TRMT10B: variants seen among roughly 807,000 people sequenced by gnomAD.
TRMT10B encodes tRNA methyltransferase 10B, also known as tRNA methyltransferase 10 homolog B.
TRMT10B carries 33 observed loss-of-function variants against 43.8 expected under a neutral mutation model. The ratio of observed to expected loss-of-function variants is 0.75; its 90% CI spans 0.57 to 1.01. The LOEUF is 1.01. Among genes scored for constraint, TRMT10B ranks in the 50% least tolerant of loss-of-function variants. The pLI is 0.00. For missense variants in TRMT10B, 362 were observed against 369.8 expected, an observed-to-expected ratio of 0.98 and a Z score of 0.17; for synonymous variants, 137 against 130.6, an observed-to-expected ratio of 1.05 and a Z score of -0.34.
At chr9:37,762,198 T>C in intron 2 of TRMT10B, 81 bp downstream of exon 2, 1 of 1,402,146 alleles carries the variant, frequency 7.1e-7, no homozygotes, top group Non-Finnish European at 9.6e-7. Flanking sequence ...TGGATACTGG[T>C]AGTGAAAAGA....
At chr9:37,777,193 TCAAAAAAAAAAAAAAAAAA>T (rs1564007736) in intron 8 of TRMT10B, among the ~76,000 whole-genome samples, 1 of 14,284 alleles carries the variant, frequency 7.0e-5, no homozygotes, top group African/African-American at 4.3e-4. Context: ...CAACTCCGCC[TCAAAAAAAAAAAAAAAAAA>T]AAAAAAAAAA....
At chr9:37,753,679 GC>G (rs1825218297), upstream of TRMT10B, 1 of 152,348 alleles carries the variant, frequency 6.6e-6, no homozygotes, top group African/African-American at 2.4e-5. Flanking sequence ...TACCGCCAGG[GC>G]TGGGAGTAGA....
chr9:37,772,442 G>A lies in TRMT10B; in HGVS notation c.720+1703G>A, dbSNP rs114270821. 2.7e-3 allele frequency among the ~76,000 whole-genome samples: 402 copies of A among 151,596 alleles called. 3 individuals carry two copies. The highest frequency in any genetic ancestry group is 9.2e-3 in the African/African-American group (379 of 41,304). ...GCTGGGATTACGGGTGTGAGCCACC[G>A]TGCCCAGCCTCGTGTTTAAAATTTT... On this transcript the variant is annotated intron_variant, in intron 7 of 8. Coordinates refer to ENST00000297994, the MANE Select transcript of TRMT10B (RefSeq NM_144964.4).
At chr9:37,755,741 CTG>C (rs1199878837) in intron 1 of TRMT10B, among the ~76,000 whole-genome samples, 1 of 152,060 alleles carries the variant, frequency 6.6e-6, no homozygotes, top group Non-Finnish European at 1.5e-5. Context: ...TTCTCAGGGA[CTG>C]TAGAGATTTG....
In TRMT10B at chr9:37,768,329, T is replaced by C. The variant is rs561525528; in HGVS notation, c.573+101T>C. Reference sequence around the variant, plus strand: ...TTTCATATATGTTACATTTTCAGTATTGAAGTCTAAAAAAATTCAGAACCT... The same window carrying C: ...TTTCATATATGTTACATTTTCAGTACTGAAGTCTAAAAAAATTCAGAACCT... On this transcript the variant is annotated intron_variant, in intron 5 of 8. Coordinates refer to ENST00000297994, the MANE Select transcript of TRMT10B (RefSeq NM_144964.4). The C allele has an allele frequency of 8.2e-6, 11 of 1,337,442 alleles. No individual in the cohort carries two copies. In the East Asian group the frequency reaches 2.4e-4, roughly 29 times the overall value. 82.8% of individuals were successfully genotyped at this position (1,337,442 alleles called of 1,614,324 possible). A position where few individuals can be genotyped will look rare whatever the true frequency, so the allele number is the denominator to read the frequency against.
intron 3 of TRMT10B, 92 bp from the exon 4 acceptor site, chr9:37,763,537 A>T: frequency 1.8e-6 from 2 of 1,104,606 alleles, no homozygotes; most frequent in Non-Finnish European, 2.6e-6. Flanking sequence ...GTTTCTCTTT[A>T]TATGCAAAAT....
chr9:37,776,317 C>T lies in TRMT10B; in HGVS notation c.756C>T (p.Val252=). The part of the protein sequence containing the change: ...VTFQKAREYS[V]KTARLPIQEY... ...TTCAAAAGGCCCGGGAATACTCTGT[C>T]AAGACCGCACGCTTGCCAATCCAGG... The change falls in exon 8 of 9, where the codon GTC becomes GTT. Residue 252 remains valine, a synonymous_variant. Coordinates refer to ENST00000297994, the MANE Select transcript of TRMT10B (RefSeq NM_144964.4). 1 of 1,608,100 alleles carries T rather than the reference C, an allele frequency of 6.2e-7. No homozygotes were observed. The highest frequency in any genetic ancestry group is 8.5e-7 in the Non-Finnish European group (1 of 1,177,258).
intron 1 of TRMT10B, among the ~76,000 whole-genome samples, chr9:37,758,282 T>C (rs1467744911): frequency 6.6e-6 from 1 of 152,070 alleles, no homozygotes; most frequent in Non-Finnish European, 1.5e-5. Flanking sequence ...CATGGTGGTG[T>C]GCACCTGTAG....
chr9:37,765,147 G>A (rs563404537), intron 4 of TRMT10B, among the ~76,000 whole-genome samples: 2 of 152,114 alleles, frequency 1.3e-5, no homozygotes, highest in East Asian at 1.9e-4. Context: ...TGTGCACAAC[G>A]TGCAGGTTTG....
intron 4 of TRMT10B, among the ~76,000 whole-genome samples, chr9:37,766,454 C>T: frequency 6.6e-6 from 1 of 152,162 alleles, no homozygotes; most frequent in Admixed American, 6.5e-5. Flanking sequence ...GTTTTGGTAC[C>T]AGTACCATGC....
chr9:37,759,325 A>T (rs1323772481), intron 1 of TRMT10B, among the ~76,000 whole-genome samples: 1 of 152,224 alleles, frequency 6.6e-6, no homozygotes, highest in Non-Finnish European at 1.5e-5. Flanking sequence ...TACATGCAGC[A>T]ACATGTATAA....
intron 4 of TRMT10B, 173 bp downstream of exon 4, chr9:37,763,926 C>G (rs1826696984): frequency 7.5e-7 from 1 of 1,337,394 alleles, no homozygotes; most frequent in South Asian, 1.4e-5. Flanking sequence ...TGTAACGAAC[C>G]TGGAAGAGAA....
chr9:37,762,466 C>T (rs2118772271), intron 2 of TRMT10B, 111 bp from the exon 3 acceptor site: 2 of 1,423,178 alleles, frequency 1.4e-6, no homozygotes, highest in Non-Finnish European at 1.9e-6. Flanking sequence ...TTTCCTCTTT[C>T]TCTCCAAACT....
chr9:37,752,960 T>C (rs1825081621), upstream of TRMT10B, among the ~76,000 whole-genome samples: 2 of 152,078 alleles, frequency 1.3e-5, no homozygotes, highest in South Asian at 4.2e-4. Flanking sequence ...TAATAAATCT[T>C]GTTGCTTGCT....
At chr9:37,762,710 A>T (rs764437989) in intron 3 of TRMT10B, 25 bp downstream of exon 3, 9 of 1,541,634 alleles carry the variant, frequency 5.8e-6, no homozygotes, top group Non-Finnish European at 7.9e-6. Context: ...GACTGTTGGT[A>T]TAATAATATT....
rs725687 is a variant in TRMT10B at position 37,755,887 on chromosome 9, G to A, written c.-30+2035G>A. Among the ~76,000 whole-genome samples, 405 of 147,540 alleles carry A rather than the reference G, an allele frequency of 2.7e-3. 3 individuals carry two copies. Among genetic ancestry groups the A allele is most frequent in the African/African-American group, 9.4e-3 (382 of 40,600 alleles). ...TATACTGTGAACTCTTAAGTGTTTA[G>A]GTAAATGTAGGTATAAGCCCTCCTA... On this transcript the variant is annotated intron_variant, in intron 1 of 8. Coordinates refer to ENST00000297994, the MANE Select transcript of TRMT10B (RefSeq NM_144964.4).
intron 5 of TRMT10B, among the ~76,000 whole-genome samples, chr9:37,768,929 C>T (rs1355115534): frequency 6.6e-6 from 1 of 152,148 alleles, no homozygotes; most frequent in African/African-American, 2.4e-5. Flanking sequence ...TTTTACAGGT[C>T]CACATAGTTC....
intron 5 of TRMT10B, among the ~76,000 whole-genome samples, chr9:37,769,167 G>A (rs1027703952): frequency 2.0e-5 from 3 of 151,844 alleles, no homozygotes; most frequent in African/African-American, 7.3e-5. Flanking sequence ...CATTAGCTCG[G>A]TGCAGTGGTG....
chr9:37,764,252 A>T (rs1436791060), intron 4 of TRMT10B, among the ~76,000 whole-genome samples: 1 of 151,750 alleles, frequency 6.6e-6, no homozygotes, highest in African/African-American at 2.4e-5. Context: ...GGGTTCAAGC[A>T]ATTCTTCTGC....
Sources: gnomAD v4.1 joint callset for allele counts (sites outside exome capture counted in the v4.1 genomes callset) on GRCh38, gnomAD v4.1.1 for gene constraint, MANE v1.5 for transcripts, NCBI Gene and HGNC (gene_info 2026-07-23, HGNC 2026-07-21) for gene names.